The following ARID5B variants were observed in gnomAD, a reference collection of about 807,000 sequenced individuals.
The protein encoded by ARID5B is AT-rich interactive domain-containing protein 5B.
ARID5B carries 13 observed loss-of-function variants against 97.2 expected under a neutral mutation model. That is an observed-to-expected ratio of 0.13 (90% confidence interval 0.09 to 0.21). ARID5B has a LOEUF of 0.21. Among genes scored for constraint, ARID5B ranks in the 10% least tolerant of loss-of-function variants. ARID5B has a pLI of 1.00. For missense variants in ARID5B, 1,210 were observed against 1,465.3 expected (o/e 0.83, Z 2.84); for synonymous variants, 556 against 570.3 (o/e 0.97, Z 0.36).
intron 3 of ARID5B, among the ~76,000 whole-genome samples, chr10:61,997,874 A>G (rs1268911994): frequency 6.6e-6 from 1 of 152,238 alleles, no homozygotes; most frequent in Non-Finnish European, 1.5e-5. Context: ...GCTGTATAAA[A>G]AGCACGGTTT....
chr10:61,940,109 C>T (rs1844373475), intron 2 of ARID5B, 74 bp from the exon 3 acceptor site: 4 of 1,375,734 alleles, frequency 2.9e-6, no homozygotes, highest in Admixed American at 1.7e-5. Flanking sequence ...TTCAGATGGG[C>T]CTTGTGGAGA....
Position 62,067,793 on chromosome 10 carries a change from G to A in ARID5B, c.1102-1907G>A, listed in dbSNP as rs1840013366. On this transcript the variant is annotated intron_variant, in intron 7 of 9. Transcript: ENST00000279873. ...AGCCTCTCTGAATCTCCCTTCTTCT[G>A]TGAATGAGATTTCCTATAACCTGCC... 2.0e-5 allele frequency among the ~76,000 whole-genome samples: 3 copies of A among 152,240 alleles called. No individual in the cohort carries two copies. In the South Asian group the frequency reaches 6.2e-4, roughly 31 times the overall value.
intron 3 of ARID5B, among the ~76,000 whole-genome samples, chr10:61,989,151 G>A (rs1042264066): frequency 2.6e-5 from 4 of 152,026 alleles, no homozygotes; most frequent in East Asian, 1.9e-4. Context: ...GGATGGTCTC[G>A]ATCTCCTGAT....
intron 9 of ARID5B, among the ~76,000 whole-genome samples, chr10:62,089,004 G>A (rs1324419159): frequency 1.3e-5 from 2 of 152,114 alleles, no homozygotes; most frequent in South Asian, 2.1e-4. Context: ...TTTACAACCC[G>A]AAGCATGGGA....
At chr10:62,016,077 C>T (rs1191107090) in intron 4 of ARID5B, among the ~76,000 whole-genome samples, 1 of 152,206 alleles carries the variant, frequency 6.6e-6, no homozygotes, top group African/African-American at 2.4e-5. Flanking sequence ...CATCACTGTA[C>T]GTAGCTGGCT....
chr10:62,055,810 G>A (rs967743739), intron 5 of ARID5B, among the ~76,000 whole-genome samples: 1 of 152,166 alleles, frequency 6.6e-6, no homozygotes, highest in Non-Finnish European at 1.5e-5. Flanking sequence ...AAGAACTCCT[G>A]CAGAGAATGT....
chr10:61,965,751 G>A (rs888207759), intron 3 of ARID5B, among the ~76,000 whole-genome samples: 1 of 152,132 alleles, frequency 6.6e-6, no homozygotes, highest in African/African-American at 2.4e-5. Flanking sequence ...TAACATATGG[G>A]TATATTTGAG....
chr10:61,911,949 C>T (rs1843811901), intron 2 of ARID5B, among the ~76,000 whole-genome samples: 1 of 152,140 alleles, frequency 6.6e-6, no homozygotes, highest in Admixed American at 6.5e-5. Context: ...GGGTTTCTAA[C>T]CGCCTACCCC....
At chr10:61,981,594 C>CT (rs1230521386) in intron 3 of ARID5B, among the ~76,000 whole-genome samples, 5 of 151,832 alleles carry the variant, frequency 3.3e-5, no homozygotes, top group East Asian at 3.9e-4. Flanking sequence ...AGGTTTTTAT[C>CT]TTTTTTTTCC....
intron 4 of ARID5B, among the ~76,000 whole-genome samples, chr10:62,032,760 G>T (rs1839513710): frequency 6.6e-6 from 1 of 152,224 alleles, no homozygotes; most frequent in East Asian, 1.9e-4. Context: ...GTGAATATTG[G>T]ATGTTAGAAA....
At chr10:62,074,208 G>T (rs1840099122) in intron 8 of ARID5B, among the ~76,000 whole-genome samples, 1 of 152,182 alleles carries the variant, frequency 6.6e-6, no homozygotes, top group Non-Finnish European at 1.5e-5. Flanking sequence ...TAAAGCAAAA[G>T]TACTTTATGA....
chr10:61,998,309 AT>A (rs1471601170), intron 3 of ARID5B, among the ~76,000 whole-genome samples: 1 of 152,200 alleles, frequency 6.6e-6, no homozygotes, highest in Non-Finnish European at 1.5e-5. Flanking sequence ...TAATGTCGGT[AT>A]CCTTAACAAC....
At chr10:62,017,927 A>T (rs980663134) in intron 4 of ARID5B, among the ~76,000 whole-genome samples, 1 of 152,232 alleles carries the variant, frequency 6.6e-6, no homozygotes, top group Non-Finnish European at 1.5e-5. Flanking sequence ...TGTAGAGGAG[A>T]TAAAATACAT....
chr10:61,938,778 A>G lies in ARID5B; in HGVS notation c.277-1405A>G, dbSNP rs1171221240. On this transcript the variant is annotated intron_variant, in intron 2 of 9. Transcript: ENST00000279873. ...ACTAAAGTTTTACTTTTCATTTTTG[A>G]TAGAGTATTTGTTACTCTGCTGCTG... 2.0e-5 allele frequency among the ~76,000 whole-genome samples: 3 copies of G among 151,922 alleles called. No homozygotes were observed. The East Asian group carries it at 5.8e-4, about 29-fold the overall frequency.
chr10:61,923,192 G>A (rs1421318093), intron 2 of ARID5B, among the ~76,000 whole-genome samples: 1 of 152,152 alleles, frequency 6.6e-6, no homozygotes, highest in African/African-American at 2.4e-5. Context: ...GTTTCTCCCA[G>A]TGGCTTCACG....
rs761751447 is a variant in ARID5B, at chr10:61,902,146, TC to T, written c.22-6del. 1.8e-5 allele frequency: 29 copies of T among 1,609,984 alleles called. No individual in the cohort carries two copies. The highest frequency in any genetic ancestry group is 2.2e-4 in the Middle Eastern group (1 of 4,584). ...CTACATTATTTATTTGGTGTTTTTT[TC>T]CCCCCCTGCAGTGGGTCGGCTCACC... On this transcript the variant is annotated splice_polypyrimidine_tract_variant and intron_variant, in intron 1 of 9. Transcript: ENST00000279873.
intron 4 of ARID5B, among the ~76,000 whole-genome samples, chr10:62,015,358 C>T (rs558446297): frequency 3.3e-4 from 50 of 152,342 alleles, no homozygotes; most frequent in Non-Finnish European, 6.8e-4. Context: ...AGTCCTTCAA[C>T]ACAGCTGCTT....
intron 2 of ARID5B, among the ~76,000 whole-genome samples, chr10:61,914,759 C>T (rs1313278519): frequency 6.6e-6 from 1 of 152,156 alleles, no homozygotes; most frequent in Non-Finnish European, 1.5e-5. Flanking sequence ...TAAAATATCT[C>T]ATTTAATTCT....
chr10:61,997,260 A>G (rs566546314), intron 3 of ARID5B, among the ~76,000 whole-genome samples: 1 of 152,114 alleles, frequency 6.6e-6, no homozygotes, highest in African/African-American at 2.4e-5. Flanking sequence ...GTTTTGAACT[A>G]GGATGAGGTG....
Sources: allele counts gnomAD v4.1 joint callset (sites outside exome capture counted in the v4.1 genomes callset), GRCh38; gene constraint gnomAD v4.1.1; transcripts MANE v1.5; gene names NCBI Gene and HGNC (gene_info 2026-07-23, HGNC 2026-07-21).